The following CSMD3 variants were observed in gnomAD, a reference collection of about 807,000 sequenced individuals.
CSMD3 encodes CUB and Sushi multiple domains 3.
Under a neutral mutation model 435.2 loss-of-function variants are expected in CSMD3, and 177 were observed. The observed-to-expected ratio is 0.41, with a 90% CI of 0.36 to 0.46. The LOEUF is 0.46. CSMD3 is among the 20% of genes least tolerant of loss of function. The probability of loss-of-function intolerance (pLI) is 0.34; values close to 1 mark genes in which losing one functional copy is unlikely to be tolerated. For synonymous variants in CSMD3, 1,656 were observed against 1,520.5 expected (o/e 1.09, Z -2.07); for missense variants, 4,265 against 4,504.6 (o/e 0.95, Z 1.52).
chr8:112,600,713 T>C (rs1473796166), intron 22 of CSMD3, among the ~76,000 whole-genome samples: 1 of 151,658 alleles, frequency 6.6e-6, no homozygotes, highest in Non-Finnish European at 1.5e-5. Context: ...TGAGACGGAG[T>C]CTCCCTCTGT....
intron 1 of CSMD3, among the ~76,000 whole-genome samples, chr8:113,346,916 C>T (rs1256955573): frequency 6.6e-6 from 1 of 151,886 alleles, no homozygotes; most frequent in Non-Finnish European, 1.5e-5. Flanking sequence ...GATATTTAAA[C>T]TTGTTTTTTC....
In CSMD3 at chr8:112,957,017, A is replaced by G. The variant is rs143189552; in HGVS notation, c.1343-2256T>C. The stretch of plus-strand genomic sequence containing the variant: ...TTTAAAATATGTTAAACAGAAGACA[A>G]ATATTTTAGCTGTTTATATTTTTAA... On this transcript the variant is annotated intron_variant, in intron 7 of 70. Coordinates refer to ENST00000297405, the MANE Select transcript of CSMD3 (RefSeq NM_198123.2). Among the ~76,000 whole-genome samples the G allele has an allele frequency of 6.6e-3, 1,006 of 152,260 alleles. 11 individuals carry two copies. The highest frequency in any genetic ancestry group is 0.023 in the African/African-American group (964 of 41,558).
rs60369800 is a variant in CSMD3 at position 113,329,204 on chromosome 8, A to AAAATAAATAAATAAATAAATAAAT, written c.179-14435_179-14412dup. On this transcript the variant is annotated intron_variant, in intron 1 of 70. Coordinates refer to ENST00000297405, the MANE Select transcript of CSMD3 (RefSeq NM_198123.2). ...CTACTACAAGTATGTTTAAAGAATG[A>AAAATAAATAAATAAATAAATAAAT]AAATAAATAAATAAATAAATAAATA... is the stretch of plus-strand genomic sequence containing the variant. Among the ~76,000 whole-genome samples, 160 of 143,976 alleles carry AAAATAAATAAATAAATAAATAAAT rather than the reference A, an allele frequency of 1.1e-3. 1 individual carries two copies. The highest frequency in any genetic ancestry group is 2.4e-3 in the Admixed American group (35 of 14,354). The allele number at this position is 143,976 out of a possible 152,430, so 94.5% of individuals were successfully genotyped here. A position where few individuals can be genotyped will look rare whatever the true frequency, so the allele number is the denominator to read the frequency against.
intron 1 of CSMD3, among the ~76,000 whole-genome samples, chr8:113,351,162 A>C (rs1341475458): frequency 1.3e-5 from 2 of 152,104 alleles, no homozygotes; most frequent in Admixed American, 1.3e-4. Flanking sequence ...TGTCAGGAAA[A>C]CCAGAAAACT....
chr8:113,306,055 A>T (rs2093818218), intron 2 of CSMD3, among the ~76,000 whole-genome samples: 2 of 152,216 alleles, frequency 1.3e-5, no homozygotes, highest in South Asian at 4.1e-4. Flanking sequence ...AACAGTAAGC[A>T]AAGTTCACTT....
At chr8:113,146,213 T>A (rs1451928369) in intron 4 of CSMD3, among the ~76,000 whole-genome samples, 1 of 151,576 alleles carries the variant, frequency 6.6e-6, no homozygotes, top group Non-Finnish European at 1.5e-5. Context: ...TTTCCTCTTG[T>A]CAAATATCCA....
chr8:113,078,400 T>C (rs1335534757), intron 5 of CSMD3, among the ~76,000 whole-genome samples: 1 of 152,224 alleles, frequency 6.6e-6, no homozygotes, highest in Non-Finnish European at 1.5e-5. Flanking sequence ...GTATGCCACT[T>C]CCATTGGGAA....
At chr8:112,638,585 T>C (rs1356909147) in intron 21 of CSMD3, 111 bp downstream of exon 21, 1 of 715,340 alleles carries the variant, frequency 1.4e-6, no homozygotes. Context: ...TTTTAAAATT[T>C]TTCTTCTCTC....
chr8:112,592,085 G>GT (rs989925549), intron 22 of CSMD3, among the ~76,000 whole-genome samples: 11 of 151,624 alleles, frequency 7.3e-5, no homozygotes, highest in South Asian at 2.1e-4. Context: ...ATTTGTGTGT[G>GT]TTTTTTTTAG....
chr8:112,960,941 C>T (rs977260800), intron 7 of CSMD3, among the ~76,000 whole-genome samples: 1 of 151,560 alleles, frequency 6.6e-6, no homozygotes, highest in East Asian at 1.9e-4. Context: ...TCTTAAACTC[C>T]TAATTATGCC....
At chr8:112,491,860 T>C (rs1820731507) in intron 31 of CSMD3, among the ~76,000 whole-genome samples, 1 of 152,144 alleles carries the variant, frequency 6.6e-6, no homozygotes, top group African/African-American at 2.4e-5. Context: ...TGTGTTAATT[T>C]TTGTACAATG....
rs1377228786 is a variant in CSMD3 at position 113,084,720 on chromosome 8, A to G, written c.917+14036T>C. On this transcript the variant is annotated intron_variant, in intron 5 of 70. Coordinates refer to ENST00000297405, the MANE Select transcript of CSMD3 (RefSeq NM_198123.2). ...CTACCTGTTTTCAAAATATAGTACA[A>G]AACTATAGTAAGTAAACCAGCATGG... Among the ~76,000 whole-genome samples, 19 of 151,882 alleles carry G rather than the reference A, an allele frequency of 1.3e-4. 1 individual carries two copies. Among genetic ancestry groups the G allele is most frequent in the Admixed American group, 1.2e-3 (18 of 15,276 alleles).
At chr8:113,223,563 A>G (rs183440918) in intron 3 of CSMD3, among the ~76,000 whole-genome samples, 219 of 149,966 alleles carry the variant, frequency 1.5e-3, no homozygotes, top group African/African-American at 5.1e-3. Flanking sequence ...TTTTTACAAC[A>G]CATGCTGACA....
Position 112,556,869 on chromosome 8 carries a change from G to T in CSMD3, c.4128C>A (p.Thr1376=). The T allele has an allele frequency of 6.2e-7, 1 of 1,611,702 alleles. No homozygotes were observed. Among genetic ancestry groups the T allele is most frequent in the South Asian group, 1.1e-5 (1 of 91,032 alleles). The change falls in exon 25 of 71, where the codon ACC becomes ACA. Residue 1376 remains threonine, a synonymous_variant. Transcript: ENST00000297405. ...AGCCTGGATTGCATCCATAAATGATGGTGCTACCAGCAAAGTGGCCTTGGT... is the reference window on the plus strand; with the variant it reads ...AGCCTGGATTGCATCCATAAATGATTGTGCTACCAGCAAAGTGGCCTTGGT... ...ISDQGHFAGS[T]IIYGCNPGYT...
At chr8:113,246,297 A>G (rs1188611145) in intron 3 of CSMD3, among the ~76,000 whole-genome samples, 1 of 152,004 alleles carries the variant, frequency 6.6e-6, no homozygotes, top group East Asian at 1.9e-4. Flanking sequence ...AATAATCTCA[A>G]TTGACCCATT....
At chr8:112,725,047 G>A (rs2076934986) in intron 13 of CSMD3, among the ~76,000 whole-genome samples, 2 of 151,972 alleles carry the variant, frequency 1.3e-5, no homozygotes, top group Non-Finnish European at 2.9e-5. Context: ...TCTGGAAAGA[G>A]GAAAATCAAA....
chr8:112,263,791 G>C lies in CSMD3; in HGVS notation c.9710C>G (p.Pro3237Arg), dbSNP rs1040643473. The change falls in exon 61 of 71, where the codon CCC (proline) becomes CGC (arginine). Residue 3237 changes from proline (P) to arginine (R), a missense_variant. By Grantham distance (103) the Pro-to-Arg change is moderately radical (BLOSUM62 -2). Coordinates refer to ENST00000297405, the MANE Select transcript of CSMD3 (RefSeq NM_198123.2). ...TCRAVTCPTP[P>R]QISNGRLEGT... ...TTCCAGCCTTCCATTAGAGATCTGGGGAGGAGTTGGGCAGGTAACAGCTGC... is the reference window on the plus strand; with the variant it reads ...TTCCAGCCTTCCATTAGAGATCTGGCGAGGAGTTGGGCAGGTAACAGCTGC... The C allele has an allele frequency of 1.4e-5, 22 of 1,613,622 alleles. No homozygotes were observed. The highest frequency in any genetic ancestry group is 1.8e-5 in the Non-Finnish European group (21 of 1,179,756).
At chr8:112,827,488 TAAG>T (rs562610888) in intron 12 of CSMD3, among the ~76,000 whole-genome samples, 2 of 152,086 alleles carry the variant, frequency 1.3e-5, no homozygotes, top group South Asian at 4.1e-4. Flanking sequence ...TTTTCTGTCT[TAAG>T]GAGAAAAAGG....
intron 6 of CSMD3, among the ~76,000 whole-genome samples, chr8:112,977,305 A>G (rs945010529): frequency 1.2e-4 from 19 of 152,068 alleles, no homozygotes; most frequent in African/African-American, 4.1e-4. Flanking sequence ...TATTTTCTAA[A>G]GCCCCTGAGT....
Sources: allele counts gnomAD v4.1 joint callset (sites outside exome capture counted in the v4.1 genomes callset), GRCh38; gene constraint gnomAD v4.1.1; transcripts MANE v1.5; gene names NCBI Gene and HGNC (gene_info 2026-07-23, HGNC 2026-07-21).